The following DET1 variants were observed in gnomAD, a reference collection of about 807,000 sequenced individuals.
The protein encoded by DET1 is DET1 partner of COP1 E3 ubiquitin ligase, also known as DET1 homolog.
In DET1, 22 loss-of-function variants were observed where a neutral mutation model predicts 43.7. The observed-to-expected ratio is 0.50, with a 90% CI of 0.36 to 0.72. The LOEUF (loss-of-function observed/expected upper bound fraction) is 0.72. DET1 is among the 30% of genes least tolerant of loss of function. The pLI is 0.00. For missense variants in DET1, 713 were observed against 713.3 expected (o/e 1.00, Z 0.00); for synonymous variants, 315 against 266.2 (o/e 1.18, Z -1.79).
chr15:88,536,863 G>A (rs1396280807), intron 1 of DET1, among the ~76,000 whole-genome samples: 1 of 151,884 alleles, frequency 6.6e-6, no homozygotes, highest in Non-Finnish European at 1.5e-5. Context: ...GGCACATTTG[G>A]GAAACAGAGC....
At chr15:88,514,046 G>T (rs181493841) in intron 4 of DET1, among the ~76,000 whole-genome samples, 1 of 149,734 alleles carries the variant, frequency 6.7e-6, no homozygotes, top group Admixed American at 6.6e-5. Context: ...TGATCCGCCC[G>T]CCTCGGCCTC....
At chr15:88,507,168 T>C (rs1054606699) in intron 7 of DET1, among the ~76,000 whole-genome samples, 6 of 152,244 alleles carry the variant, frequency 3.9e-5, no homozygotes, top group Admixed American at 3.3e-4. Context: ...TTTTACTCTA[T>C]ATAGTCCATT....
rs1306184779 is a variant in DET1 at position 88,531,788 on chromosome 15, A to C, written c.-10-73T>G. 7.2e-7 allele frequency: 1 copy of C among 1,393,286 alleles called. No individual in the cohort carries two copies. Among genetic ancestry groups the C allele is most frequent in the Non-Finnish European group, 9.6e-7 (1 of 1,045,574 alleles). 86.3% of individuals were successfully genotyped at this position (1,393,286 alleles called of 1,614,324 possible). Reference sequence around the variant, plus strand: ...CCAAAATATAAATATATACAAGTGAAACAGATTTCTCTTCTTATATCCTGA... The same window carrying C: ...CCAAAATATAAATATATACAAGTGACACAGATTTCTCTTCTTATATCCTGA... On this transcript the variant is annotated intron_variant, in intron 1 of 4. Transcript: ENST00000268148. The surrounding 1 kb of genome is among the most constrained non-coding windows in gnomAD (Gnocchi z 6.2).
intron 4 of DET1, among the ~76,000 whole-genome samples, chr15:88,513,454 A>G (rs2056249005): frequency 6.6e-6 from 1 of 152,160 alleles, no homozygotes; most frequent in African/African-American, 2.4e-5. Context: ...AAGGTTGTCT[A>G]GGCCAGGGCT....
At chr15:88,532,564 C>T (rs1280031366) in intron 1 of DET1, among the ~76,000 whole-genome samples, 1 of 152,098 alleles carries the variant, frequency 6.6e-6, no homozygotes, top group African/African-American at 2.4e-5. Context: ...ATATTACAAA[C>T]CACAGTAATC....
chr15:88,542,224 T>C (rs1246961248), intron 1 of DET1, among the ~76,000 whole-genome samples: 1 of 152,098 alleles, frequency 6.6e-6, no homozygotes, highest in Admixed American at 6.5e-5. Flanking sequence ...CTTCCTTGCA[T>C]TAACCGGTAG....
intron 3 of DET1, among the ~76,000 whole-genome samples, chr15:88,524,500 C>A (rs1420950065): frequency 1.3e-5 from 2 of 152,142 alleles, no homozygotes; most frequent in Non-Finnish European, 2.9e-5. Context: ...ATGACGATGG[C>A]GGTTTTGTCG....
rs1457199847 is a variant in DET1, at chr15:88,531,439, G to A, written c.267C>T (p.Gly89=). The A allele has an allele frequency of 1.2e-6, 2 of 1,614,062 alleles. No individual in the cohort carries two copies. Among genetic ancestry groups the A allele is most frequent in the Non-Finnish European group, 8.5e-7 (1 of 1,179,908 alleles). The part of the protein sequence containing the change: ...QTSLEIYEYQ[G]CQAAEDLLQG... Reference sequence around the variant, plus strand: ...GCAGTAGGTCCTCTGCTGCCTGGCAGCCCTGGTACTCATAGATTTCAAGAG... The same window carrying A: ...GCAGTAGGTCCTCTGCTGCCTGGCAACCCTGGTACTCATAGATTTCAAGAG... Residue 89 remains glycine (G), a synonymous_variant, in exon 2 of 5, where the codon GGC becomes GGT. Transcript: ENST00000268148. The surrounding 1 kb of genome is among the most constrained non-coding windows in gnomAD (Gnocchi z 6.2).
intron 3 of DET1, among the ~76,000 whole-genome samples, chr15:88,521,370 C>A (rs1409557908): frequency 6.6e-6 from 1 of 152,218 alleles, no homozygotes; most frequent in Non-Finnish European, 1.5e-5. Flanking sequence ...TATACTCAAA[C>A]CTACCAGTAT....
chr15:88,506,460 C>T (rs1023846245), intron 7 of DET1, among the ~76,000 whole-genome samples: 2 of 149,588 alleles, frequency 1.3e-5, no homozygotes, highest in African/African-American at 4.9e-5. Context: ...AGGGTTATAG[C>T]TATAAAGGGT....
intron 2 of DET1, 46 bp from the exon 3 acceptor site, chr15:88,527,832 C>A: frequency 7.2e-7 from 1 of 1,395,236 alleles, no homozygotes; most frequent in Non-Finnish European, 9.4e-7. Context: ...GAGTATAATG[C>A]CATGCGTAGG....
downstream of DET1, chr15:88,511,372 C>G: frequency 1.0e-6 from 1 of 978,614 alleles, no homozygotes; most frequent in Non-Finnish European, 1.2e-6. Context: ...TCTACCTGTT[C>G]AGTCACATTT....
intron 2 of DET1, among the ~76,000 whole-genome samples, chr15:88,529,244 A>G (rs1307603091): frequency 6.6e-6 from 1 of 152,224 alleles, no homozygotes; most frequent in East Asian, 1.9e-4. Flanking sequence ...TGTCCTTTCT[A>G]TGGCCCTGGA....
At chr15:88,543,548 C>T (rs117529944) in intron 1 of DET1, among the ~76,000 whole-genome samples, 181 of 152,314 alleles carry the variant, frequency 1.2e-3, no homozygotes, top group African/African-American at 2.2e-3. Flanking sequence ...CTAGAGAAGG[C>T]GGACGCCGCT....
At chr15:88,527,932 T>C in intron 2 of DET1, 146 bp from the exon 3 acceptor site, 1 of 550,276 alleles carries the variant, frequency 1.8e-6, no homozygotes, top group Non-Finnish European at 3.0e-6. Flanking sequence ...AGCAAACACC[T>C]CGGCTTTACC....
intron 1 of DET1, among the ~76,000 whole-genome samples, chr15:88,535,992 T>C (rs1386702984): frequency 6.6e-6 from 1 of 152,112 alleles, no homozygotes; most frequent in African/African-American, 2.4e-5. Context: ...CCCAGGCACA[T>C]CATAGCTAAA....
chr15:88,512,150 T>C (rs1287015286), downstream of DET1, among the ~76,000 whole-genome samples: 1 of 152,236 alleles, frequency 6.6e-6, no homozygotes, highest in African/African-American at 2.4e-5. Flanking sequence ...CAGTACGTGC[T>C]ACACAGTATT....
At chr15:88,510,771 G>C (rs201839301), downstream of DET1, among the ~76,000 whole-genome samples, 9 of 132,982 alleles carry the variant, frequency 6.8e-5, no homozygotes, top group South Asian at 2.0e-3. Context: ...TTTTTTTTTT[G>C]TTTTTTTTTT....
intron 1 of DET1, among the ~76,000 whole-genome samples, chr15:88,536,704 G>A (rs1227409287): frequency 7.0e-6 from 1 of 142,276 alleles, no homozygotes; most frequent in Non-Finnish European, 1.5e-5. Flanking sequence ...CCGGGAGGCA[G>A]AGGTTGCAGT....
Sources: allele counts gnomAD v4.1 joint callset (sites outside exome capture counted in the v4.1 genomes callset), GRCh38; gene constraint gnomAD v4.1.1; non-coding constraint Gnocchi (gnomAD v3.1); transcripts MANE v1.5; gene names NCBI Gene and HGNC (gene_info 2026-07-23, HGNC 2026-07-21).